PTPRD: variants seen among roughly 807,000 people sequenced by gnomAD.
PTPRD encodes the protein protein tyrosine phosphatase receptor type D, also known as receptor-type tyrosine-protein phosphatase delta.
A neutral mutation model predicts 214.5 loss-of-function variants in PTPRD; 34 were observed. That is an observed-to-expected ratio of 0.16 (90% confidence interval 0.12 to 0.21). The LOEUF (loss-of-function observed/expected upper bound fraction) is 0.21, where lower values mean the gene tolerates loss of function less well. PTPRD is among the 10% of genes least tolerant of loss of function. The pLI, the probability that PTPRD is intolerant of heterozygous loss-of-function variation, is 1.00. For synonymous variants in PTPRD, 1,128 were observed against 845.7 expected (o/e 1.33, Z -5.79); for missense variants, 2,545 against 2,398.7 (o/e 1.06, Z -1.27).
rs188683817 is a variant in PTPRD at position 8,564,275 on chromosome 9, C to T, written c.353-35496G>A. On this transcript the variant is annotated intron_variant, in intron 14 of 45. Coordinates refer to ENST00000381196, the MANE Select transcript of PTPRD (RefSeq NM_002839.4). ...TGTTCAGTGGGTTTGACATATTAAA[C>T]GCATTTTTGATTTACAATATTTTAA... Among the ~76,000 whole-genome samples, 835 of 152,234 alleles carry T rather than the reference C, an allele frequency of 5.5e-3. 4 individuals are homozygous for T. The highest frequency in any genetic ancestry group is 9.0e-3 in the Non-Finnish European group (611 of 68,026).
At chr9:8,810,960 C>G (rs933643118) in intron 11 of PTPRD, among the ~76,000 whole-genome samples, 4 of 152,130 alleles carry the variant, frequency 2.6e-5, no homozygotes, top group African/African-American at 9.7e-5. Context: ...TCCAACTGTA[C>G]CTGCTGAAGT....
chr9:9,547,963 C>CA (rs1419867961), intron 8 of PTPRD, among the ~76,000 whole-genome samples: 3 of 151,908 alleles, frequency 2.0e-5, no homozygotes, highest in East Asian at 1.9e-4. Flanking sequence ...ACTTTTCTCA[C>CA]AAAAAATGCA....
chr9:9,243,837 A>C (rs1594405641), intron 9 of PTPRD, among the ~76,000 whole-genome samples: 1 of 152,318 alleles, frequency 6.6e-6, no homozygotes, highest in East Asian at 1.9e-4. Flanking sequence ...TTAGGAAAAG[A>C]GGAAGTCAAA....
intron 3 of PTPRD, among the ~76,000 whole-genome samples, chr9:10,282,946 C>T (rs1052911466): frequency 7.2e-5 from 11 of 152,116 alleles, no homozygotes; most frequent in African/African-American, 2.7e-4. Flanking sequence ...CACATAGCAC[C>T]TTCAAACTCA....
chr9:9,176,787 C>T (rs1264713220), intron 10 of PTPRD, among the ~76,000 whole-genome samples: 1 of 152,130 alleles, frequency 6.6e-6, no homozygotes, highest in African/African-American at 2.4e-5. Flanking sequence ...TTGCCAGGTG[C>T]TGGTGCCATG....
intron 3 of PTPRD, among the ~76,000 whole-genome samples, chr9:10,199,276 T>C (rs1039266627): frequency 2.0e-5 from 3 of 152,144 alleles, no homozygotes; most frequent in Admixed American, 6.6e-5. Flanking sequence ...TATAGTTAGT[T>C]CTTTCTAATA....
chr9:10,420,448 T>C (rs962238943), intron 2 of PTPRD, among the ~76,000 whole-genome samples: 10 of 151,950 alleles, frequency 6.6e-5, no homozygotes, highest in African/African-American at 2.4e-4. Flanking sequence ...GACATAGAGA[T>C]TGGTGGCCAA....
intron 2 of PTPRD, among the ~76,000 whole-genome samples, chr9:10,360,838 C>T (rs1007211795): frequency 6.6e-6 from 1 of 152,184 alleles, no homozygotes; most frequent in Non-Finnish European, 1.5e-5. Flanking sequence ...CGCGGTGGCT[C>T]ACGCCTGTAA....
chr9:9,579,503 G>T (rs2090085761), intron 7 of PTPRD, among the ~76,000 whole-genome samples: 1 of 152,038 alleles, frequency 6.6e-6, no homozygotes, highest in Admixed American at 6.6e-5. Context: ...CGTGTGCCAT[G>T]GTGGTTTACT....
At chr9:9,993,282 T>G (rs1323899680) in intron 4 of PTPRD, among the ~76,000 whole-genome samples, 2 of 152,208 alleles carry the variant, frequency 1.3e-5, no homozygotes, top group African/African-American at 4.8e-5. Context: ...AATTTCATTC[T>G]TAGGTACATA....
intron 10 of PTPRD, among the ~76,000 whole-genome samples, chr9:9,063,576 T>C (rs2099712499): frequency 6.6e-6 from 1 of 152,184 alleles, no homozygotes; most frequent in South Asian, 2.1e-4. Flanking sequence ...TAATATAATT[T>C]AGGCTATCTT....
chr9:9,165,035 G>C (rs1317882952), intron 10 of PTPRD, among the ~76,000 whole-genome samples: 3 of 134,210 alleles, frequency 2.2e-5, no homozygotes, highest in Admixed American at 1.6e-4. Context: ...CTGGGTGACA[G>C]AGCAAGACTC....
intron 12 of PTPRD, among the ~76,000 whole-genome samples, chr9:8,651,471 T>C (rs2096806880): frequency 6.6e-6 from 1 of 152,216 alleles, no homozygotes; most frequent in Non-Finnish European, 1.5e-5. Context: ...TACGATTCCT[T>C]GGTTTGTAGA....
intron 14 of PTPRD, among the ~76,000 whole-genome samples, chr9:8,586,213 T>C (rs2093644571): frequency 7.1e-6 from 1 of 141,060 alleles, no homozygotes; most frequent in Non-Finnish European, 1.5e-5. Flanking sequence ...GGCAGGAGAA[T>C]TGCTAGAACC....
chr9:8,512,062 C>G (rs564829125), intron 21 of PTPRD, among the ~76,000 whole-genome samples: 8 of 152,102 alleles, frequency 5.3e-5, no homozygotes, highest in African/African-American at 1.9e-4. Context: ...TTTCATCTTG[C>G]TATAGTATAA....
chr9:10,330,571 A>G (rs2096730703), intron 3 of PTPRD, among the ~76,000 whole-genome samples: 1 of 151,850 alleles, frequency 6.6e-6, no homozygotes, highest in Non-Finnish European at 1.5e-5. Flanking sequence ...CCTGTGCTAT[A>G]TTTTATTGCA....
At chr9:9,441,393 A>C (rs879728471) in intron 8 of PTPRD, among the ~76,000 whole-genome samples, 6 of 152,194 alleles carry the variant, frequency 3.9e-5, no homozygotes, top group Non-Finnish European at 8.8e-5. Context: ...ACTGCTAGAC[A>C]AAAGAAAAAG....
chr9:9,681,292 C>T (rs1014374595), intron 7 of PTPRD, among the ~76,000 whole-genome samples: 2 of 151,636 alleles, frequency 1.3e-5, no homozygotes, highest in African/African-American at 4.8e-5. Flanking sequence ...TTGTTTGTCT[C>T]ATCAACTCTG....
At chr9:9,497,495 T>C (rs187711471) in intron 8 of PTPRD, among the ~76,000 whole-genome samples, 94 of 152,266 alleles carry the variant, frequency 6.2e-4, no homozygotes, top group African/African-American at 1.7e-3. Context: ...ATGCACAATA[T>C]TGACACGCAT....
Sources: allele counts gnomAD v4.1 joint callset (sites outside exome capture counted in the v4.1 genomes callset), GRCh38; gene constraint gnomAD v4.1.1; transcripts MANE v1.5; gene names NCBI Gene and HGNC (gene_info 2026-07-23, HGNC 2026-07-21).